Variants in PHEX observed in about 807,000 individuals in gnomAD.
PHEX encodes phosphate-regulating neutral endopeptidase PHEX.
In PHEX, 16 loss-of-function variants were observed where a neutral mutation model predicts 68.0. That is an observed-to-expected ratio of 0.24 (90% CI 0.16 to 0.36). PHEX has a LOEUF of 0.36. Among genes scored for constraint, PHEX ranks in the 10% least tolerant of loss-of-function variants. The probability of loss-of-function intolerance (pLI) is 1.00; values close to 1 mark genes in which losing one functional copy is unlikely to be tolerated. For synonymous variants in PHEX, 208 were observed against 205.1 expected (o/e 1.01, Z -0.12); for missense variants, 480 against 575.5 (o/e 0.83, Z 1.70).
intron 12 of PHEX, among the ~76,000 whole-genome samples, chrX:22,160,800 G>A (rs1365867014): frequency 9.0e-6 from 1 of 111,310 alleles, no homozygotes; most frequent in Admixed American, 9.5e-5. Context: ...GATTGAAATA[G>A]CTTACATAAA....
chrX:22,190,459 G>A lies in PHEX; in HGVS notation c.1602G>A (p.Pro534=), dbSNP rs1478700267. 11 of 1,198,853 alleles carry A rather than the reference G, an allele frequency of 9.2e-6. No homozygotes were observed. Among genetic ancestry groups the A allele is most frequent in the East Asian group, 8.9e-5 (3 of 33,729 alleles). The stretch of plus-strand genomic sequence containing the variant: ...TTTTCTACAGGTGGTTTACAAATCC[G>A]ACGACTGTCAATGCCTTCTACAGTG... The part of the protein sequence containing the change: ...AVPKTEWFTN[P]TTVNAFYSAS... The change falls in exon 15 of 22, where the codon CCG becomes CCA. Residue 534 remains proline (P), a synonymous_variant. Coordinates refer to ENST00000379374, the MANE Select transcript of PHEX (RefSeq NM_000444.6).
In PHEX at chrX:22,176,384, CAAAAAA is replaced by C. The variant is rs61277745; in HGVS notation, c.1483-1875_1483-1870del. Among the ~76,000 whole-genome samples the C allele has an allele frequency of 1.8e-3, 134 of 73,901 alleles. 1 individual carries two copies. Among genetic ancestry groups the C allele is most frequent in the Non-Finnish European group, 2.6e-3 (100 of 38,897 alleles). 64.2% of individuals were successfully genotyped at this position (73,901 alleles called of 115,157 possible). On this transcript the variant is annotated intron_variant, in intron 13 of 21. Coordinates refer to ENST00000379374, the MANE Select transcript of PHEX (RefSeq NM_000444.6). ...CCTGGGTGACAGAGCGAGACTGTCT[CAAAAAA>C]AAAAAAAAAAAAATATATATATATA...
chrX:22,049,551 G>T (rs952108537), intron 3 of PHEX, among the ~76,000 whole-genome samples: 1 of 111,285 alleles, frequency 9.0e-6, no homozygotes, highest in Admixed American at 9.6e-5. Flanking sequence ...TTTCATTTTT[G>T]ATGCATATAG....
chrX:22,231,446 A>G (rs1398493966), intron 20 of PHEX, among the ~76,000 whole-genome samples: 4 of 111,890 alleles, frequency 3.6e-5, no homozygotes, highest in Non-Finnish European at 7.5e-5. Flanking sequence ...CCTCAATTTC[A>G]GAACTTGTTA....
In PHEX at chrX:22,065,660, G is replaced by A. The variant is rs770473286; in HGVS notation, c.350-10728G>A. On this transcript the variant is annotated intron_variant, in intron 3 of 21. Coordinates refer to ENST00000379374, the MANE Select transcript of PHEX (RefSeq NM_000444.6). ...AGGATGGTCTTGAACTCCTGACCTC[G>A]TGATCCGCCTGCCTCGGCCTCCCAA... is the stretch of plus-strand genomic sequence containing the variant. Among the ~76,000 whole-genome samples, 103 of 111,822 alleles carry A rather than the reference G, an allele frequency of 9.2e-4. 1 individual carries two copies. The highest frequency in any genetic ancestry group is 3.2e-3 in the African/African-American group (100 of 30,816).
chrX:22,041,291 ATATATATATATT>A (rs1206501044), intron 2 of PHEX, among the ~76,000 whole-genome samples: 8 of 84,736 alleles, frequency 9.4e-5, no homozygotes, highest in Non-Finnish European at 1.9e-4. Flanking sequence ...ATATATATAT[ATATATATATATT>A]TTAACCAGGC....
At chrX:22,104,935 G>C (rs998544234) in intron 9 of PHEX, among the ~76,000 whole-genome samples, 1 of 112,289 alleles carries the variant, frequency 8.9e-6, no homozygotes, top group South Asian at 3.7e-4. Context: ...TTTTGTCAAG[G>C]ACCCTGTAAG....
chrX:22,175,216 A>T (rs1933659387), intron 13 of PHEX, among the ~76,000 whole-genome samples: 1 of 112,339 alleles, frequency 8.9e-6, no homozygotes, highest in African/African-American at 3.2e-5. Flanking sequence ...ATCTTTCTAA[A>T]CATAAATAAG....
intron 15 of PHEX, among the ~76,000 whole-genome samples, chrX:22,206,856 TA>T (rs202084136): frequency 9.0e-6 from 1 of 111,506 alleles, no homozygotes; most frequent in Non-Finnish European, 1.9e-5. Flanking sequence ...TTGTTTGTAC[TA>T]AAAAAAACTC....
intron 5 of PHEX, among the ~76,000 whole-genome samples, chrX:22,089,338 C>G (rs1031707362): frequency 6.4e-5 from 7 of 109,786 alleles, no homozygotes; most frequent in Non-Finnish European, 9.5e-5. Context: ...TCCAGTTTTT[C>G]TAACACGCTC....
intron 13 of PHEX, among the ~76,000 whole-genome samples, chrX:22,169,116 A>G (rs7051338): frequency 0.061 from 6,856 of 111,911 alleles, 499 homozygotes; most frequent in African/African-American, 0.21. Context: ...TTAAGTAACT[A>G]TAGTTCTGAG....
At chrX:22,183,822 T>G (rs139059120) in intron 14 of PHEX, among the ~76,000 whole-genome samples, 5,849 of 111,782 alleles carry the variant, frequency 0.052, 134 homozygotes, top group Middle Eastern at 0.083. Context: ...GTCAGTCTAA[T>G]TGTTTGATTT....
chrX:22,043,228 C>T (rs999605990), intron 2 of PHEX, among the ~76,000 whole-genome samples: 1 of 112,276 alleles, frequency 8.9e-6, no homozygotes, highest in Non-Finnish European at 1.9e-5. Context: ...TAACTACATA[C>T]ATACGTACAT....
In PHEX at chrX:22,032,938, G is replaced by T; in HGVS notation, c.-68G>T. The stretch of plus-strand genomic sequence containing the variant: ...AGAAAGCCTTGGATGTCAACGCCTC[G>T]CTCTTGAGACCAGCCACCAAACCAC... On this transcript the variant is annotated 5_prime_UTR_variant, in exon 1 of 22. Coordinates refer to ENST00000379374, the MANE Select transcript of PHEX (RefSeq NM_000444.6). The T allele has an allele frequency of 1.2e-6, 1 of 803,471 alleles. No individual in the cohort carries two copies. The allele number at this position is 803,471 out of a possible 1,213,427, so 66.2% of individuals were successfully genotyped here.
At chrX:22,088,609 A>C (rs1929721500) in intron 5 of PHEX, among the ~76,000 whole-genome samples, 1 of 111,435 alleles carries the variant, frequency 9.0e-6, no homozygotes, top group African/African-American at 3.3e-5. Flanking sequence ...TTCTTTGATG[A>C]AGTGTCTGTT....
chrX:22,240,276 C>T (rs755910292), intron 20 of PHEX, among the ~76,000 whole-genome samples: 5 of 112,242 alleles, frequency 4.5e-5, no homozygotes, highest in Non-Finnish European at 7.5e-5. Context: ...GTACCAGCCA[C>T]TGAAAAACAC....
chrX:22,062,262 C>G (rs1229897577), intron 3 of PHEX, among the ~76,000 whole-genome samples: 5 of 111,231 alleles, frequency 4.5e-5, no homozygotes, highest in Non-Finnish European at 9.4e-5. Context: ...AGTAATTTAC[C>G]CATATTCACA....
At chrX:22,036,358 C>A (rs1927022004) in intron 1 of PHEX, among the ~76,000 whole-genome samples, 1 of 110,178 alleles carries the variant, frequency 9.1e-6, no homozygotes, top group Non-Finnish European at 1.9e-5. Context: ...CCGTGCCTGG[C>A]CTAATTAGTT....
In PHEX at chrX:22,038,459, G is replaced by GC. The variant is rs1556012052; in HGVS notation, c.119-10_119-9insC. On this transcript the variant is annotated splice_polypyrimidine_tract_variant and intron_variant, in intron 1 of 21. Coordinates refer to ENST00000379374, the MANE Select transcript of PHEX (RefSeq NM_000444.6). ...ACAACTCAGCCATTTATTGTGGTCTGTTTTTTCAGTGAGTCAAGGTCTCTT... is the reference window on the plus strand; with the variant it reads ...ACAACTCAGCCATTTATTGTGGTCTGCTTTTTTCAGTGAGTCAAGGTCTCTT... 5.1e-6 allele frequency: 6 copies of GC among 1,174,663 alleles called. No individual in the cohort carries two copies. In the South Asian group the frequency reaches 1.1e-4, roughly 21 times the overall value.
Sources: gnomAD v4.1 joint callset for allele counts (sites outside exome capture counted in the v4.1 genomes callset) on GRCh38, gnomAD v4.1.1 for gene constraint, MANE v1.5 for transcripts, NCBI Gene and HGNC (gene_info 2026-07-23, HGNC 2026-07-21) for gene names.